AXL: variants seen among roughly 807,000 people sequenced by gnomAD.
The protein encoded by AXL is AXL receptor tyrosine kinase, also known as tyrosine-protein kinase receptor UFO.
Under a neutral mutation model 104.5 loss-of-function variants are expected in AXL, and 52 were observed. The ratio of observed to expected loss-of-function variants is 0.50; its 90% CI spans 0.40 to 0.63. The LOEUF (loss-of-function observed/expected upper bound fraction) is 0.63, where lower values mean the gene tolerates loss of function less well. Among genes scored for constraint, AXL ranks in the 20% least tolerant of loss-of-function variants. The pLI is 0.00. For missense variants in AXL, 1,024 were observed against 1,188.5 expected, an observed-to-expected ratio of 0.86 and a Z score of 2.04; for synonymous variants, 455 against 473.7, an observed-to-expected ratio of 0.96 and a Z score of 0.51.
Position 41,219,298 on chromosome 19 carries a change from G to A in AXL, c.-95G>A, listed in dbSNP as rs865972129. The A allele has an allele frequency of 3.6e-5, 46 of 1,263,322 alleles. No homozygotes were observed. The highest frequency in any genetic ancestry group is 3.3e-4 in the African/African-American group (22 of 65,860). The allele number at this position is 1,263,322 out of a possible 1,614,324, so 78.3% of individuals were successfully genotyped here. On this transcript the variant is annotated 5_prime_UTR_variant, in exon 1 of 20. Transcript: ENST00000301178. ...GTGCCAGGCAGGCAGTGCCAAATCC[G>A]GGGAGCCTGGAGCTGGGGGGAGGGC... is the stretch of plus-strand genomic sequence containing the variant.
At chr19:41,257,367 C>A in intron 18 of AXL, 126 bp from the exon 19 acceptor site, 2 of 1,310,486 alleles carry the variant, frequency 1.5e-6, no homozygotes, top group Non-Finnish European at 2.1e-6. Flanking sequence ...TCTATGAATA[C>A]TTGTGATGCT....
At chr19:41,232,257 G>T (rs913235648) in intron 6 of AXL, among the ~76,000 whole-genome samples, 20 of 152,138 alleles carry the variant, frequency 1.3e-4, no homozygotes, top group Middle Eastern at 3.2e-3. Context: ...GGGAATATTC[G>T]CTAGAAGGAT....
chr19:41,241,111 G>T (rs909830348), intron 10 of AXL, among the ~76,000 whole-genome samples: 7 of 152,022 alleles, frequency 4.6e-5, no homozygotes, highest in African/African-American at 1.7e-4. Flanking sequence ...AAAATTCCTT[G>T]CTCACTCCTT....
intron 4 of AXL, among the ~76,000 whole-genome samples, chr19:41,230,674 T>A (rs1157144314): frequency 6.6e-6 from 1 of 151,498 alleles, no homozygotes; most frequent in African/African-American, 2.4e-5. Context: ...AATGTGTGTG[T>A]GAGACAGTGT....
At position 41,219,285 on chromosome 19, in the gene AXL, C is replaced by A; in HGVS notation, c.-108C>A. ...CTCCCCTGCCGCTGTGCCAGGCAGG[C>A]AGTGCCAAATCCGGGGAGCCTGGAG... On this transcript the variant is annotated 5_prime_UTR_variant, in exon 1 of 20. Coordinates refer to ENST00000301178, the MANE Select transcript of AXL (RefSeq NM_021913.5). 1 of 1,081,430 alleles carries A rather than the reference C, an allele frequency of 9.2e-7. No individual in the cohort carries two copies. The highest frequency in any genetic ancestry group is 1.3e-6 in the Non-Finnish European group (1 of 760,070). The allele number at this position is 1,081,430 out of a possible 1,614,324, so 67.0% of individuals were successfully genotyped here.
At chr19:41,259,499 T>G in intron 19 of AXL, 54 bp from the exon 20 acceptor site, 1 of 1,464,542 alleles carries the variant, frequency 6.8e-7, no homozygotes. Context: ...GCTTCCAGAA[T>G]GCACCCCTTC....
At chr19:41,224,788 C>CTGTGTG (rs56885806) in intron 4 of AXL, among the ~76,000 whole-genome samples, 5 of 149,920 alleles carry the variant, frequency 3.3e-5, no homozygotes, top group East Asian at 2.0e-4. Flanking sequence ...AGTCACAGAC[C>CTGTGTG]TGTGTGTGTG....
intron 12 of AXL, among the ~76,000 whole-genome samples, chr19:41,245,555 T>G (rs968476021): frequency 1.3e-5 from 2 of 152,036 alleles, no homozygotes; most frequent in Admixed American, 6.6e-5. Context: ...AGACCCTGTC[T>G]CTACTAAAAA....
At chr19:41,237,150 G>C (rs1411264280) in intron 6 of AXL, among the ~76,000 whole-genome samples, 1 of 152,188 alleles carries the variant, frequency 6.6e-6, no homozygotes, top group South Asian at 2.1e-4. Context: ...TCAGGCCCCA[G>C]AGATGGCCAC....
Position 41,231,301 on chromosome 19 carries a change from G to A in AXL, c.783+3G>A. On this transcript the variant is annotated splice_donor_region_variant and intron_variant, in intron 6 of 19. Transcript: ENST00000301178. ...CCCTGACCCACTGCACCCTGCAGGT[G>A]AGACTCCCAAACTTGGTTCATTTCA... The A allele has an allele frequency of 6.2e-7, 1 of 1,610,320 alleles. No homozygotes were observed. The highest frequency in any genetic ancestry group is 8.5e-7 in the Non-Finnish European group (1 of 1,177,782).
chr19:41,232,094 T>G (rs920746225), intron 6 of AXL, among the ~76,000 whole-genome samples: 3 of 152,046 alleles, frequency 2.0e-5, no homozygotes, highest in Non-Finnish European at 4.4e-5. Flanking sequence ...ACCCTCCACT[T>G]CTCCCATCCC....
rs1395566678 is a variant in AXL at position 41,259,998 on chromosome 19, A to G, written c.*94A>G. The G allele has an allele frequency of 2.5e-6, 3 of 1,179,850 alleles. No homozygotes were observed. Among genetic ancestry groups the G allele is most frequent in the Non-Finnish European group, 3.5e-6 (3 of 857,900 alleles). The allele number at this position is 1,179,850 out of a possible 1,614,324, so 73.1% of individuals were successfully genotyped here. On this transcript the variant is annotated 3_prime_UTR_variant, in exon 20 of 20. Coordinates refer to ENST00000301178, the MANE Select transcript of AXL (RefSeq NM_021913.5). ...TTCCCACTTTCCCACCCCACGCCTT[A>G]TCCCCACTTGCAGCCCTGTCTTCCT... is the stretch of plus-strand genomic sequence containing the variant.
chr19:41,251,791 T>C (rs965938615), intron 14 of AXL, among the ~76,000 whole-genome samples: 1 of 151,894 alleles, frequency 6.6e-6, no homozygotes, highest in Non-Finnish European at 1.5e-5. Flanking sequence ...ATGATAATAG[T>C]AGCACCTGAG....
Position 41,221,907 on chromosome 19 carries a change from A to G in AXL, c.437A>G (p.Glu146Gly). 6.2e-7 allele frequency: 1 copy of G among 1,613,646 alleles called. No individual in the cohort carries two copies. The highest frequency in any genetic ancestry group is 1.3e-5 in the African/African-American group (1 of 74,960). The change falls in exon 4 of 20, where the codon GAA (glutamate) becomes GGA (glycine). Residue 146 changes from glutamate (E) to glycine (G), a missense_variant. By Grantham distance (98) the Glu-to-Gly change is moderately conservative (BLOSUM62 -2). Transcript: ENST00000301178. ...EGLPYFLEEP[E>G]DRTVAANTPF... ...TTGCCTTACTTCCTGGAGGAGCCCG[A>G]AGACAGGACTGTGGCCGCCAACACC...
chr19:41,230,297 T>C (rs1328121396), intron 4 of AXL, among the ~76,000 whole-genome samples: 1 of 150,528 alleles, frequency 6.6e-6, no homozygotes, highest in Non-Finnish European at 1.5e-5. Context: ...TGTATGAGTA[T>C]GTATCTCTCT....
Position 41,219,625 on chromosome 19 carries a change from GAC to G in AXL, c.85+152_85+153del, listed in dbSNP as rs149399883. 5,117 of 886,862 alleles carry G rather than the reference GAC, an allele frequency of 5.8e-3. 184 individuals are homozygous for G. In the African/African-American group the frequency reaches 0.074, roughly 13 times the overall value. 54.9% of individuals were successfully genotyped at this position (886,862 alleles called of 1,614,324 possible). A position where few individuals can be genotyped will look rare whatever the true frequency, so the allele number is the denominator to read the frequency against. ...CAGAAAAGGGACTTCAAGGGAGGGA[GAC>G]ACAGACTCAGAGACACCAAGTGCGG... On this transcript the variant is annotated intron_variant, in intron 1 of 19. Coordinates refer to ENST00000301178, the MANE Select transcript of AXL (RefSeq NM_021913.5).
In AXL at chr19:41,252,834, TG is replaced by T. The variant is rs745990666; in HGVS notation, c.1805-6del. 1.2e-6 allele frequency: 2 copies of T among 1,613,588 alleles called. No individual in the cohort carries two copies. The highest frequency in any genetic ancestry group is 1.7e-6 in the Non-Finnish European group (2 of 1,179,916). On this transcript the variant is annotated splice_polypyrimidine_tract_variant and intron_variant, in intron 15 of 19. Coordinates refer to ENST00000301178, the MANE Select transcript of AXL (RefSeq NM_021913.5). The stretch of plus-strand genomic sequence containing the variant: ...GCCCAGCAGGAGTGACAGGGCTACC[TG>T]GGGGGCTCAGGTGTCTGTTTCCAGG...
At chr19:41,224,519 A>G (rs576620424) in intron 4 of AXL, among the ~76,000 whole-genome samples, 1 of 152,074 alleles carries the variant, frequency 6.6e-6, no homozygotes, top group East Asian at 1.9e-4. Flanking sequence ...AGCAGCTGGG[A>G]CTATAGGCAT....
chr19:41,231,281 A>G lies in AXL; in HGVS notation c.766A>G (p.Thr256Ala), dbSNP rs749047403. The G allele has an allele frequency of 4.5e-5, 72 of 1,613,212 alleles. No homozygotes were observed. Among genetic ancestry groups the G allele is most frequent in the Non-Finnish European group, 5.5e-5 (65 of 1,179,590 alleles). ...TPGLSGIYPL[T>A]HCTLQAVLSD... ...AGGCCTGAGCGGCATCTACCCCCTG[A>G]CCCACTGCACCCTGCAGGTGAGACT... is the stretch of plus-strand genomic sequence containing the variant. The change falls in exon 6 of 20, where the codon ACC (threonine) becomes GCC (alanine). Residue 256 changes from threonine (T) to alanine (A), a missense_variant. By Grantham distance (58) the Thr-to-Ala change is moderately conservative. Transcript: ENST00000301178.
Sources: gnomAD v4.1 joint callset for allele counts (sites outside exome capture counted in the v4.1 genomes callset) on GRCh38, gnomAD v4.1.1 for gene constraint, MANE v1.5 for transcripts, NCBI Gene and HGNC (gene_info 2026-07-23, HGNC 2026-07-21) for gene names.